Variants in FHIT observed in about 807,000 individuals in gnomAD.
FHIT encodes the protein fragile histidine triad diadenosine triphosphatase.
FHIT carries 19 observed loss-of-function variants against 17.9 expected under a neutral mutation model. The observed-to-expected ratio is 1.06, with a 90% CI of 0.74 to 1.56. The LOEUF (loss-of-function observed/expected upper bound fraction) is 1.56. Among genes scored for constraint, FHIT ranks in the 40% most tolerant of loss-of-function variants. The pLI is 0.00. For missense variants in FHIT, 248 were observed against 189.2 expected, an observed-to-expected ratio of 1.31 and a Z score of -1.82; for synonymous variants, 81 against 69.7, an observed-to-expected ratio of 1.16 and a Z score of -0.81.
At chr3:60,605,473 G>C (rs1320917632) in intron 4 of FHIT, among the ~76,000 whole-genome samples, 1 of 152,250 alleles carries the variant, frequency 6.6e-6, no homozygotes, top group East Asian at 1.9e-4. Context: ...GGACATACTT[G>C]AGAAGTCAGT....
intron 8 of FHIT, among the ~76,000 whole-genome samples, chr3:59,790,689 C>T (rs780249629): frequency 1.1e-4 from 17 of 152,092 alleles, no homozygotes; most frequent in South Asian, 8.3e-4. Flanking sequence ...TCTCTTTTTA[C>T]GCACTTAGGA....
chr3:59,752,485 A>G (rs377651920), intron 8 of FHIT, among the ~76,000 whole-genome samples, 164 bp from the exon 9 acceptor site: 82 of 152,298 alleles, frequency 5.4e-4, no homozygotes, highest in African/African-American at 1.9e-3. Flanking sequence ...GGCTTTATAC[A>G]AGAATCCACA....
intron 5 of FHIT, among the ~76,000 whole-genome samples, chr3:60,400,873 A>G (rs887864500): frequency 6.6e-6 from 1 of 152,188 alleles, no homozygotes; most frequent in African/African-American, 2.4e-5. Flanking sequence ...TTAGCTGCCA[A>G]CATTTAAAAG....
At chr3:60,820,223 G>C (rs1273302442) in intron 4 of FHIT, among the ~76,000 whole-genome samples, 1 of 152,020 alleles carries the variant, frequency 6.6e-6, no homozygotes, top group Middle Eastern at 3.2e-3. Flanking sequence ...CACAAAAATT[G>C]CTTAAACCCA....
chr3:60,054,749 T>G (rs181155425), intron 5 of FHIT, among the ~76,000 whole-genome samples: 3 of 152,318 alleles, frequency 2.0e-5, no homozygotes, highest in South Asian at 2.1e-4. Context: ...TCATTTTCTT[T>G]GTTGTGTTGG....
Position 60,629,043 on chromosome 3 carries a change from A to G in FHIT, c.-17-92064T>C, listed in dbSNP as rs114194170. 3.1e-3 allele frequency among the ~76,000 whole-genome samples: 477 copies of G among 152,284 alleles called. 4 individuals are homozygous for G. The highest frequency in any genetic ancestry group is 0.011 in the African/African-American group (456 of 41,568). On this transcript the variant is annotated intron_variant, in intron 4 of 9. Transcript: ENST00000492590. ...ATTCTCAGCCTCCCATACCCGGGGT[A>G]GAACATCCACCTAATTAGTTGGGGG...
At chr3:60,797,050 G>C (rs1450196730) in intron 4 of FHIT, among the ~76,000 whole-genome samples, 1 of 151,942 alleles carries the variant, frequency 6.6e-6, no homozygotes, top group African/African-American at 2.4e-5. Flanking sequence ...ATTTTAGAGG[G>C]GCTTTCCTAT....
At chr3:60,692,091 C>T (rs577247525) in intron 4 of FHIT, among the ~76,000 whole-genome samples, 259 of 152,298 alleles carry the variant, frequency 1.7e-3, no homozygotes, top group African/African-American at 6.1e-3. Context: ...TAATTTCCAT[C>T]CTCTAGCAGG....
At chr3:59,870,602 C>T (rs1425880773) in intron 8 of FHIT, among the ~76,000 whole-genome samples, 1 of 151,984 alleles carries the variant, frequency 6.6e-6, no homozygotes, top group African/African-American at 2.4e-5. Context: ...GCAGAGAGCC[C>T]CATTAATAAG....
intron 3 of FHIT, among the ~76,000 whole-genome samples, chr3:60,971,175 C>T (rs1232395181): frequency 6.6e-6 from 1 of 152,082 alleles, no homozygotes; most frequent in Non-Finnish European, 1.5e-5. Context: ...CAAGACCAGT[C>T]TGTCCAACAT....
At chr3:60,935,851 G>C (rs1553772950) in intron 3 of FHIT, among the ~76,000 whole-genome samples, 2 of 152,112 alleles carry the variant, frequency 1.3e-5, no homozygotes, top group African/African-American at 4.8e-5. Flanking sequence ...CCTTCTCTTC[G>C]CACATGGACA....
intron 8 of FHIT, among the ~76,000 whole-genome samples, chr3:59,866,445 T>C (rs1702653758): frequency 1.3e-5 from 2 of 152,146 alleles, no homozygotes; most frequent in Admixed American, 6.5e-5. Flanking sequence ...CATTGTGTAG[T>C]GGTTGGAAGC....
intron 1 of FHIT, among the ~76,000 whole-genome samples, chr3:61,207,593 T>A (rs1212099375): frequency 6.6e-6 from 1 of 152,244 alleles, no homozygotes; most frequent in Non-Finnish European, 1.5e-5. Flanking sequence ...CTAGATTTTC[T>A]AGTTTATTTG....
intron 3 of FHIT, among the ~76,000 whole-genome samples, chr3:60,901,115 T>C (rs1706094468): frequency 6.6e-6 from 1 of 152,258 alleles, no homozygotes; most frequent in Non-Finnish European, 1.5e-5. Flanking sequence ...TGATTTTTAA[T>C]TAAACAATTT....
At chr3:61,047,177 G>A (rs2033830965) in intron 2 of FHIT, among the ~76,000 whole-genome samples, 1 of 152,192 alleles carries the variant, frequency 6.6e-6, no homozygotes, top group Non-Finnish European at 1.5e-5. Flanking sequence ...ATTAGGAAAA[G>A]AGTAAGTCCA....
intron 3 of FHIT, among the ~76,000 whole-genome samples, chr3:60,910,410 C>CTTTTT (rs539012384): frequency 1.4e-5 from 2 of 138,138 alleles, no homozygotes; most frequent in Non-Finnish European, 3.1e-5. Context: ...GTCTTTCTCT[C>CTTTTT]TTTTTTTTTT....
At chr3:60,184,861 T>C (rs1702094205) in intron 5 of FHIT, among the ~76,000 whole-genome samples, 1 of 152,200 alleles carries the variant, frequency 6.6e-6, no homozygotes, top group Admixed American at 6.5e-5. Context: ...TATTTTGGGT[T>C]ATAATTCAAT....
At chr3:60,563,634 T>C (rs1294501070) in intron 4 of FHIT, among the ~76,000 whole-genome samples, 1 of 152,210 alleles carries the variant, frequency 6.6e-6, no homozygotes, top group East Asian at 1.9e-4. Context: ...AAAACACTTA[T>C]TGCTGATAGG....
chr3:59,842,718 G>C (rs1402216433), intron 8 of FHIT, among the ~76,000 whole-genome samples: 4 of 152,152 alleles, frequency 2.6e-5, no homozygotes, highest in Non-Finnish European at 5.9e-5. Flanking sequence ...CTCTGGAGAA[G>C]TGTCTATTCT....
Sources: gnomAD v4.1 joint callset for allele counts (sites outside exome capture counted in the v4.1 genomes callset) on GRCh38, gnomAD v4.1.1 for gene constraint, MANE v1.5 for transcripts, NCBI Gene and HGNC (gene_info 2026-07-23, HGNC 2026-07-21) for gene names.